Variants in SPTLC3 observed in about 807,000 individuals in gnomAD.
SPTLC3 encodes the protein serine palmitoyltransferase long chain base subunit 3.
SPTLC3 carries 36 observed loss-of-function variants against 59.3 expected under a neutral mutation model. The ratio of observed to expected loss-of-function variants is 0.61; its 90% confidence interval spans 0.47 to 0.80. SPTLC3 has a LOEUF of 0.80. Ranked by LOEUF, SPTLC3 falls within the 30% of genes least tolerant of loss-of-function variation. SPTLC3 has a pLI of 0.00. For missense variants in SPTLC3, 625 were observed against 685.1 expected, an observed-to-expected ratio of 0.91 and a Z score of 0.98; for synonymous variants, 257 against 240.8, an observed-to-expected ratio of 1.07 and a Z score of -0.62.
intron 8 of SPTLC3, among the ~76,000 whole-genome samples, chr20:13,122,227 G>T (rs2037882978): frequency 6.6e-6 from 1 of 152,188 alleles, no homozygotes; most frequent in Non-Finnish European, 1.5e-5. Context: ...CTCCATCCCT[G>T]CTCTCAAGGA....
At chr20:13,033,608 G>T in intron 1 of SPTLC3, among the ~76,000 whole-genome samples, 1 of 152,120 alleles carries the variant, frequency 6.6e-6, no homozygotes, top group East Asian at 1.9e-4. Flanking sequence ...GAGGAGGAGA[G>T]GTAAATGGGT....
chr20:13,153,902 C>A, intron 9 of SPTLC3, 101 bp from the exon 10 acceptor site: 1 of 1,473,800 alleles, frequency 6.8e-7, no homozygotes, highest in South Asian at 1.3e-5. Context: ...GCTAGTGCTG[C>A]TGGCCTGCAG....
At chr20:13,107,410 T>A (rs888245256) in intron 6 of SPTLC3, among the ~76,000 whole-genome samples, 2 of 151,760 alleles carry the variant, frequency 1.3e-5, no homozygotes, top group Non-Finnish European at 2.9e-5. Flanking sequence ...TGAAAAATGG[T>A]GTCCAGATGG....
At chr20:13,015,204 G>A (rs950536040) in intron 1 of SPTLC3, among the ~76,000 whole-genome samples, 1 of 152,088 alleles carries the variant, frequency 6.6e-6, no homozygotes, top group African/African-American at 2.4e-5. Context: ...AGGAGAAAAG[G>A]GATATATCAA....
At chr20:13,064,344 T>C (rs560962994) in intron 2 of SPTLC3, among the ~76,000 whole-genome samples, 1 of 151,716 alleles carries the variant, frequency 6.6e-6, no homozygotes, top group South Asian at 2.1e-4. Flanking sequence ...AGTGTCTTGC[T>C]CTGTCGCCCA....
At chr20:13,101,878 G>A (rs567356653) in intron 6 of SPTLC3, among the ~76,000 whole-genome samples, 24 of 152,228 alleles carry the variant, frequency 1.6e-4, no homozygotes, top group Middle Eastern at 3.4e-3. Context: ...TCAGAGCAGC[G>A]AGACTGCAGG....
At chr20:13,038,265 C>T (rs1375390976) in intron 1 of SPTLC3, among the ~76,000 whole-genome samples, 3 of 151,958 alleles carry the variant, frequency 2.0e-5, no homozygotes, top group African/African-American at 7.3e-5. Flanking sequence ...AAAGAATAGG[C>T]ATTAATTCTT....
chr20:13,154,834 C>G (rs1351219918), intron 10 of SPTLC3, among the ~76,000 whole-genome samples: 1 of 152,176 alleles, frequency 6.6e-6, no homozygotes, highest in Non-Finnish European at 1.5e-5. Flanking sequence ...TACATGAGCC[C>G]TTCTCCAACC....
intron 9 of SPTLC3, among the ~76,000 whole-genome samples, chr20:13,143,122 T>C (rs780992558): frequency 1.1e-4 from 16 of 152,174 alleles, no homozygotes; most frequent in Non-Finnish European, 1.2e-4. Flanking sequence ...GATAAACATG[T>C]AATTCTTAAA....
intron 6 of SPTLC3, among the ~76,000 whole-genome samples, chr20:13,097,713 T>A (rs545529431): frequency 6.6e-6 from 1 of 152,264 alleles, no homozygotes; most frequent in African/African-American, 2.4e-5. Flanking sequence ...CTGAATCCTG[T>A]CACCAGACAA....
At chr20:13,032,630 C>T (rs1010593546) in intron 1 of SPTLC3, among the ~76,000 whole-genome samples, 1 of 152,144 alleles carries the variant, frequency 6.6e-6, no homozygotes, top group Non-Finnish European at 1.5e-5. Context: ...TCTTAACTTT[C>T]CCAGTCTTGG....
At chr20:13,028,732 G>A (rs951797630) in intron 1 of SPTLC3, among the ~76,000 whole-genome samples, 7 of 152,070 alleles carry the variant, frequency 4.6e-5, no homozygotes, top group African/African-American at 1.7e-4. Flanking sequence ...TTTGCATTTT[G>A]TCAAAACCAG....
At chr20:13,027,038 G>A (rs1021156023) in intron 1 of SPTLC3, among the ~76,000 whole-genome samples, 3 of 152,018 alleles carry the variant, frequency 2.0e-5, no homozygotes, top group Non-Finnish European at 4.4e-5. Flanking sequence ...CGGTGGAAGC[G>A]AGCTCCAGCT....
intron 2 of SPTLC3, among the ~76,000 whole-genome samples, chr20:13,065,357 A>G (rs530055678): frequency 7.5e-6 from 1 of 133,310 alleles, no homozygotes; most frequent in African/African-American, 2.9e-5. Flanking sequence ...TTTTCCTTTT[A>G]TTATGCTTTT....
chr20:13,077,994 C>A (rs1600257200), intron 4 of SPTLC3, among the ~76,000 whole-genome samples: 2 of 151,032 alleles, frequency 1.3e-5, no homozygotes, highest in Non-Finnish European at 1.5e-5. Context: ...TGATAAGCAG[C>A]CACAGGTGAC....
At chr20:13,139,703 T>A (rs1247420908) in intron 9 of SPTLC3, among the ~76,000 whole-genome samples, 1 of 152,118 alleles carries the variant, frequency 6.6e-6, no homozygotes, top group Non-Finnish European at 1.5e-5. Flanking sequence ...AGGAAATGAG[T>A]TTGGTGAGTA....
intron 7 of SPTLC3, among the ~76,000 whole-genome samples, chr20:13,112,079 C>A (rs932727621): frequency 1.3e-4 from 20 of 152,230 alleles, no homozygotes; most frequent in African/African-American, 4.1e-4. Flanking sequence ...TGCCATGTAA[C>A]AAACCACCCA....
intron 6 of SPTLC3, among the ~76,000 whole-genome samples, chr20:13,106,167 T>C (rs1989885395): frequency 1.3e-5 from 2 of 152,234 alleles, no homozygotes; most frequent in African/African-American, 4.8e-5. Context: ...AGGAGATATT[T>C]ATCTTTTCTA....
chr20:13,017,609 A>T (rs147189640), intron 1 of SPTLC3, among the ~76,000 whole-genome samples: 42 of 152,288 alleles, frequency 2.8e-4, no homozygotes, highest in African/African-American at 1.0e-3. Flanking sequence ...TTAAAACATT[A>T]TGAGATCTTT....
Sources: allele counts gnomAD v4.1 joint callset (sites outside exome capture counted in the v4.1 genomes callset), GRCh38; gene constraint gnomAD v4.1.1; transcripts MANE v1.5; gene names NCBI Gene and HGNC (gene_info 2026-07-23, HGNC 2026-07-21).